SAMD13: variants seen among roughly 807,000 people sequenced by gnomAD.
SAMD13 encodes sterile alpha motif domain containing 13, also known as sterile alpha motif domain-containing protein 13.
Under a neutral mutation model 12.4 loss-of-function variants are expected in SAMD13, and 9 were observed. That is an observed-to-expected ratio of 0.72 (90% CI 0.44 to 1.26). The LOEUF is 1.26. SAMD13 is among the 50% of genes most tolerant of loss of function. SAMD13 has a pLI of 0.00. For missense variants in SAMD13, 84 were observed against 119.6 expected (o/e 0.70, Z 1.39); for synonymous variants, 46 against 45.4 (o/e 1.01, Z -0.05).
chr1:84,325,667 T>C lies in SAMD13; in HGVS notation c.84T>C (p.Pro28=), dbSNP rs1207294222. ...NSMENGRPPD[P]ADWAVMDVVN... ...TGGAAAATGGGAGACCACCTGATCCTGCAGACTGGGCCGTGATGGATGTCG... is the reference window on the plus strand; with the variant it reads ...TGGAAAATGGGAGACCACCTGATCCCGCAGACTGGGCCGTGATGGATGTCG... The change falls in exon 3 of 4, where the codon CCT becomes CCC. Residue 28 remains proline, a synonymous_variant. Coordinates refer to ENST00000394834, the MANE Select transcript of SAMD13 (RefSeq NM_001134663.2). 2.5e-6 allele frequency: 4 copies of C among 1,613,238 alleles called. No homozygotes were observed. The South Asian group carries it at 3.3e-5, about 13-fold the overall frequency.
At chr1:84,304,899 A>G (rs1423870904) in intron 2 of SAMD13, among the ~76,000 whole-genome samples, 3 of 152,120 alleles carry the variant, frequency 2.0e-5, no homozygotes, top group Non-Finnish European at 2.9e-5. Context: ...ATCTACAACA[A>G]TTTGTTTACT....
chr1:84,324,616 A>T (rs1368942097), intron 2 of SAMD13, among the ~76,000 whole-genome samples: 1 of 152,146 alleles, frequency 6.6e-6, no homozygotes, highest in African/African-American at 2.4e-5. Flanking sequence ...GTGTATTCCT[A>T]GTTGGAGAGA....
intron 3 of SAMD13, among the ~76,000 whole-genome samples, chr1:84,342,473 T>A (rs1344717098): frequency 6.6e-6 from 1 of 152,026 alleles, no homozygotes; most frequent in African/African-American, 2.4e-5. Flanking sequence ...AAGGCCACAG[T>A]AACCAAAACA....
chr1:84,349,192 G>A (rs559429750), intron 3 of SAMD13, among the ~76,000 whole-genome samples: 2 of 152,150 alleles, frequency 1.3e-5, no homozygotes, highest in Non-Finnish European at 1.5e-5. Context: ...TTGATCCTTC[G>A]CTTGCCTGTA....
intron 2 of SAMD13, among the ~76,000 whole-genome samples, chr1:84,312,567 T>C (rs1156490347): frequency 6.6e-6 from 1 of 151,988 alleles, no homozygotes; most frequent in Non-Finnish European, 1.5e-5. Context: ...CCTGGGTGAA[T>C]AGGAAAAAAT....
chr1:84,335,136 G>A (rs1264206527), intron 3 of SAMD13, among the ~76,000 whole-genome samples: 1 of 152,110 alleles, frequency 6.6e-6, no homozygotes, highest in Non-Finnish European at 1.5e-5. Context: ...TAAACTGGTA[G>A]TAGGATGTTG....
chr1:84,334,165 T>A (rs2101812306), intron 3 of SAMD13, among the ~76,000 whole-genome samples: 1 of 152,250 alleles, frequency 6.6e-6, no homozygotes, highest in South Asian at 2.1e-4. Context: ...AGAATTCAGC[T>A]GTAAATCCAT....
At position 84,316,120 on chromosome 1, in the gene SAMD13, C is replaced by A. The variant is rs145758275; in HGVS notation, c.54-9517C>A. Among the ~76,000 whole-genome samples the A allele has an allele frequency of 2.0e-5, 3 of 152,150 alleles. No individual in the cohort carries two copies. The South Asian group carries it at 6.2e-4, about 32-fold the overall frequency. On this transcript the variant is annotated intron_variant, in intron 2 of 3. Transcript: ENST00000394834. ...ATTCCTTATATATTTTAGAAAGTAA[C>A]CTCTTATCAGATATATAGTTTGCAA...
chr1:84,325,431 A>T (rs1471921761), intron 2 of SAMD13, among the ~76,000 whole-genome samples: 1 of 152,130 alleles, frequency 6.6e-6, no homozygotes, highest in Non-Finnish European at 1.5e-5. Context: ...TCACTGGACC[A>T]CTCTCAATGT....
chr1:84,304,022 C>T (rs1678507804), intron 2 of SAMD13: 3 of 152,104 alleles, frequency 2.0e-5, no homozygotes, highest in African/African-American at 7.2e-5. Context: ...TTATCTGTTT[C>T]ATTTCTTTCC....
chr1:84,335,753 C>T (rs558640530), intron 3 of SAMD13, among the ~76,000 whole-genome samples: 1 of 152,282 alleles, frequency 6.6e-6, no homozygotes, highest in Non-Finnish European at 1.5e-5. Flanking sequence ...GTAACTAATT[C>T]CCTTAGCATT....
At chr1:84,334,146 A>G (rs1372263148) in intron 3 of SAMD13, among the ~76,000 whole-genome samples, 1 of 152,094 alleles carries the variant, frequency 6.6e-6, no homozygotes, top group Non-Finnish European at 1.5e-5. Flanking sequence ...TCTTCTTTAT[A>G]AATCTGGTAG....
chr1:84,339,281 TG>T (rs1221582715), intron 3 of SAMD13, among the ~76,000 whole-genome samples: 10 of 152,296 alleles, frequency 6.6e-5, no homozygotes, highest in Middle Eastern at 3.4e-3. Flanking sequence ...TTTTGTTTTT[TG>T]TGTTTTTTAT....
intron 2 of SAMD13, among the ~76,000 whole-genome samples, chr1:84,324,472 A>G (rs1679015314): frequency 6.6e-6 from 1 of 152,206 alleles, no homozygotes; most frequent in Admixed American, 6.5e-5. Flanking sequence ...TATCATAGTA[A>G]ATGATGCTTG....
intron 2 of SAMD13, among the ~76,000 whole-genome samples, chr1:84,321,303 CAT>C (rs1267645708): frequency 6.6e-6 from 1 of 151,958 alleles, no homozygotes; most frequent in East Asian, 1.9e-4. Flanking sequence ...TAAATGGAAA[CAT>C]TGATAATTTG....
chr1:84,327,794 C>T (rs1450714776), intron 3 of SAMD13, among the ~76,000 whole-genome samples: 2 of 152,072 alleles, frequency 1.3e-5, no homozygotes, highest in African/African-American at 2.4e-5. Context: ...TTAATTGTAG[C>T]ATCTAGGTGT....
intron 2 of SAMD13, among the ~76,000 whole-genome samples, chr1:84,313,325 A>G (rs1678755892): frequency 6.6e-6 from 1 of 152,112 alleles, no homozygotes; most frequent in South Asian, 2.1e-4. Context: ...CAGATTTGGG[A>G]TGAATTATAA....
chr1:84,340,735 AGTT>A (rs1321462305), intron 3 of SAMD13, among the ~76,000 whole-genome samples: 3 of 152,208 alleles, frequency 2.0e-5, no homozygotes, highest in African/African-American at 7.2e-5. Flanking sequence ...GCATAGGTGA[AGTT>A]GTGTACAGAT....
chr1:84,314,780 A>G (rs1285935125), intron 2 of SAMD13, among the ~76,000 whole-genome samples: 1 of 152,176 alleles, frequency 6.6e-6, no homozygotes, highest in Non-Finnish European at 1.5e-5. Flanking sequence ...GCTAATTATT[A>G]AATATCTCTT....
Sources: gnomAD v4.1 joint callset for allele counts (sites outside exome capture counted in the v4.1 genomes callset) on GRCh38, gnomAD v4.1.1 for gene constraint, MANE v1.5 for transcripts, NCBI Gene and HGNC (gene_info 2026-07-23, HGNC 2026-07-21) for gene names.